Variants in TACR3 observed in about 807,000 individuals in gnomAD.
TACR3 encodes the protein tachykinin receptor 3.
Under a neutral mutation model 35.0 loss-of-function variants are expected in TACR3, and 34 were observed. The observed-to-expected ratio is 0.97, with a 90% confidence interval of 0.74 to 1.30. The LOEUF (loss-of-function observed/expected upper bound fraction) is 1.30. Ranked by LOEUF, TACR3 falls within the 50% of genes most tolerant of loss-of-function variation. The pLI is 0.00. For synonymous variants in TACR3, 233 were observed against 221.1 expected, an observed-to-expected ratio of 1.05 and a Z score of -0.48; for missense variants, 558 against 591.7, an observed-to-expected ratio of 0.94 and a Z score of 0.59.
chr4:103,684,580 G>A (rs1722187052), intron 1 of TACR3, among the ~76,000 whole-genome samples: 2 of 152,230 alleles, frequency 1.3e-5, no homozygotes, highest in South Asian at 2.1e-4. Context: ...GGCATCCTAT[G>A]TTCACAGTTT....
chr4:103,665,793 A>G (rs1169161817), intron 1 of TACR3, among the ~76,000 whole-genome samples: 2 of 152,170 alleles, frequency 1.3e-5, no homozygotes, highest in African/African-American at 2.4e-5. Context: ...AAAGTTACCA[A>G]TCTGACTTTT....
At chr4:103,665,011 C>A (rs866970699) in intron 1 of TACR3, among the ~76,000 whole-genome samples, 27 of 151,626 alleles carry the variant, frequency 1.8e-4, no homozygotes, top group Middle Eastern at 3.4e-3. Context: ...TGAGGATTCA[C>A]CATGTTGTCC....
At chr4:103,680,567 A>G (rs1315846441) in intron 1 of TACR3, among the ~76,000 whole-genome samples, 1 of 150,332 alleles carries the variant, frequency 6.7e-6, no homozygotes, top group Non-Finnish European at 1.5e-5. Context: ...ATCACTTAAT[A>G]TATATATTTC....
intron 3 of TACR3, among the ~76,000 whole-genome samples, chr4:103,596,650 A>T (rs1724029889): frequency 1.3e-5 from 2 of 152,064 alleles, no homozygotes; most frequent in Non-Finnish European, 2.9e-5. Context: ...CATGTGCACA[A>T]TGTGCAGGTT....
intron 3 of TACR3, among the ~76,000 whole-genome samples, chr4:103,597,232 T>C (rs1324856295): frequency 6.6e-6 from 1 of 150,414 alleles, no homozygotes; most frequent in Non-Finnish European, 1.5e-5. Context: ...TGTAAAAGTG[T>C]TCCTATTTCT....
At chr4:103,650,047 G>C (rs76188521) in intron 3 of TACR3, among the ~76,000 whole-genome samples, 1 of 151,956 alleles carries the variant, frequency 6.6e-6, no homozygotes, top group Non-Finnish European at 1.5e-5. Context: ...TCTGCATTAG[G>C]GGGTACCACA....
chr4:103,702,458 G>C (rs889140518), intron 1 of TACR3, among the ~76,000 whole-genome samples: 4 of 152,208 alleles, frequency 2.6e-5, no homozygotes, highest in African/African-American at 9.6e-5. Context: ...TGGTGGGACT[G>C]TAAACTAGTT....
chr4:103,705,411 T>G (rs1205383331), intron 1 of TACR3, among the ~76,000 whole-genome samples: 1 of 152,098 alleles, frequency 6.6e-6, no homozygotes, highest in African/African-American at 2.4e-5. Context: ...CAATCCAGAG[T>G]GCATCCTTAC....
rs201886341 is a variant in TACR3, at chr4:103,719,333, G to A, written c.343C>T (p.Arg115Cys). The change falls in exon 1 of 5, where the codon CGC (arginine) becomes TGC (cysteine). Residue 115 changes from arginine to cysteine, a missense_variant. Coordinates refer to ENST00000304883, the MANE Select transcript of TACR3 (RefSeq NM_001059.3). ...IVIWIILAHK[R>C]MRTVTNYFLV... ...AAGTAGTTGGTGACAGTCCTCATGC[G>A]CTTGTGGGCCAGGATGATCCAGATG... 3.0e-5 allele frequency: 48 copies of A among 1,614,230 alleles called. No individual in the cohort carries two copies. In the South Asian group the frequency reaches 4.5e-4, roughly 15 times the overall value.
intron 1 of TACR3, among the ~76,000 whole-genome samples, chr4:103,689,731 A>G (rs929500337): frequency 6.6e-6 from 1 of 152,096 alleles, no homozygotes; most frequent in African/African-American, 2.4e-5. Flanking sequence ...CATATGCATG[A>G]TGGGAGTCCC....
chr4:103,691,652 CAT>C (rs1722403498), intron 1 of TACR3, among the ~76,000 whole-genome samples: 1 of 152,148 alleles, frequency 6.6e-6, no homozygotes, highest in Non-Finnish European at 1.5e-5. Context: ...AGCACTGTAA[CAT>C]ATTCATAATG....
chr4:103,696,370 C>T (rs1578261356), intron 1 of TACR3, among the ~76,000 whole-genome samples: 1 of 151,864 alleles, frequency 6.6e-6, no homozygotes, highest in East Asian at 1.9e-4. Context: ...AACAGAAAAA[C>T]ATTTTTGTAG....
intron 1 of TACR3, among the ~76,000 whole-genome samples, chr4:103,697,419 T>A: frequency 6.6e-6 from 1 of 150,824 alleles, no homozygotes; most frequent in Non-Finnish European, 1.5e-5. Flanking sequence ...TATTTATTTA[T>A]TTATTTATTT....
intron 3 of TACR3, among the ~76,000 whole-genome samples, chr4:103,608,062 A>G (rs1434251254): frequency 6.6e-6 from 1 of 152,144 alleles, no homozygotes; most frequent in East Asian, 1.9e-4. Flanking sequence ...TATTGGATAC[A>G]TACCTAAAAG....
chr4:103,676,922 C>T (rs1726182767), intron 1 of TACR3, among the ~76,000 whole-genome samples: 1 of 152,082 alleles, frequency 6.6e-6, no homozygotes, highest in South Asian at 2.1e-4. Context: ...AGTAAACAGC[C>T]AACCTACAGA....
intron 3 of TACR3, among the ~76,000 whole-genome samples, chr4:103,646,415 T>C (rs1387368204): frequency 6.6e-6 from 1 of 152,056 alleles, no homozygotes. Context: ...TTCCATTCTC[T>C]ATATAGACAC....
rs1041963144 is a variant in TACR3 at position 103,711,048 on chromosome 4, A to G, written c.548+8080T>C. ...CCAGGGCCAGATGGATTCACAGCCA[A>G]ATTCTACCAGAGGTACAAGGAGGAG... On this transcript the variant is annotated intron_variant, in intron 1 of 4. Coordinates refer to ENST00000304883, the MANE Select transcript of TACR3 (RefSeq NM_001059.3). 1.3e-4 allele frequency among the ~76,000 whole-genome samples: 20 copies of G among 152,202 alleles called. 1 individual carries two copies. The highest frequency in any genetic ancestry group is 3.2e-3 in the Middle Eastern group (1 of 316).
intron 3 of TACR3, among the ~76,000 whole-genome samples, chr4:103,652,764 T>C (rs1019509059): frequency 6.6e-6 from 1 of 152,062 alleles, no homozygotes; most frequent in Non-Finnish European, 1.5e-5. Context: ...AATACTTTTT[T>C]TTAATGTCTA....
chr4:103,674,032 TAGAA>T (rs1307524236), intron 1 of TACR3, among the ~76,000 whole-genome samples: 3 of 152,100 alleles, frequency 2.0e-5, no homozygotes, highest in African/African-American at 7.2e-5. Context: ...GTGGAGGAGT[TAGAA>T]AGAATAAAAG....
Sources: allele counts gnomAD v4.1 joint callset (sites outside exome capture counted in the v4.1 genomes callset), GRCh38; gene constraint gnomAD v4.1.1; transcripts MANE v1.5; gene names NCBI Gene and HGNC (gene_info 2026-07-23, HGNC 2026-07-21).